The following MFSD6 variants were observed in gnomAD, a reference collection of about 807,000 sequenced individuals.
The protein encoded by MFSD6 is major facilitator superfamily domain containing 6, also known as major facilitator superfamily domain-containing protein 6.
MFSD6 carries 26 observed loss-of-function variants against 56.3 expected under a neutral mutation model. The ratio of observed to expected loss-of-function variants is 0.46; its 90% confidence interval spans 0.34 to 0.64. The LOEUF (loss-of-function observed/expected upper bound fraction) is 0.64. Among genes scored for constraint, MFSD6 ranks in the 30% least tolerant of loss-of-function variants. The pLI, the probability that MFSD6 is intolerant of heterozygous loss-of-function variation, is 0.01. For missense variants in MFSD6, 750 were observed against 986.2 expected (o/e 0.76, Z 3.21); for synonymous variants, 331 against 366.9 (o/e 0.90, Z 1.12).
At position 190,496,905 on chromosome 2, in the gene MFSD6, CAG is replaced by C. The variant is rs887723795; in HGVS notation, c.1892-533_1892-532del. Among the ~76,000 whole-genome samples, 4 of 152,070 alleles carry C rather than the reference CAG, an allele frequency of 2.6e-5. No homozygotes were observed. The highest frequency in any genetic ancestry group is 1.3e-4 in the Admixed American group (2 of 15,266). On this transcript the variant is annotated intron_variant, in intron 6 of 7. Transcript: ENST00000392328. This position sits in a 1 kb window ranked among gnomAD's most constrained non-coding sequence, Gnocchi z 4.7. ...AATGATATGATGGACTTTGGGGACT[CAG>C]GGGAAAGGGTGGGAAAGGGGTGAGG...
intron 3 of MFSD6, among the ~76,000 whole-genome samples, chr2:190,450,488 CT>C (rs10665730): frequency 2.8e-4 from 27 of 97,260 alleles, no homozygotes; most frequent in African/African-American, 7.9e-4. Context: ...TCTCTTTTTC[CT>C]TTTTTTTTTT....
In MFSD6 at chr2:190,457,612, G is replaced by A. The variant is rs1214946576; in HGVS notation, c.1533-12146G>A. Among the ~76,000 whole-genome samples, 1 of 152,196 alleles carries A rather than the reference G, an allele frequency of 6.6e-6. No homozygotes were observed. The highest frequency in any genetic ancestry group is 1.5e-5 in the Non-Finnish European group (1 of 68,042). ...AGGACCCCAAATCTCAGACACTTCT[G>A]CATGTACTGGCTCAGGCAGAATTTG... On this transcript the variant is annotated intron_variant, in intron 3 of 7. Transcript: ENST00000392328. This position sits in a 1 kb window ranked among gnomAD's most constrained non-coding sequence, Gnocchi z 5.1.
chr2:190,430,611 A>G (rs1291000142), intron 2 of MFSD6, among the ~76,000 whole-genome samples: 2 of 152,076 alleles, frequency 1.3e-5, no homozygotes, highest in Admixed American at 6.6e-5. Flanking sequence ...GCTTCTTTCT[A>G]CACAGACACA....
chr2:190,501,374 A>G lies in MFSD6; in HGVS notation c.*1156A>G, dbSNP rs1690015679. On this transcript the variant is annotated 3_prime_UTR_variant, in exon 8 of 8. Coordinates refer to ENST00000392328, the MANE Select transcript of MFSD6 (RefSeq NM_017694.4). ...TGAAGACACAGTCAGACACTGGACA[A>G]TGTAATGTATGCAACTGCAAACGTT... 1 of 152,204 alleles carries G rather than the reference A, an allele frequency of 6.6e-6. No homozygotes were observed. The highest frequency in any genetic ancestry group is 2.4e-5 in the African/African-American group (1 of 41,440). The allele number at this position is 152,204 out of a possible 1,614,324, so 9.4% of individuals were successfully genotyped here.
chr2:190,477,046 G>C (rs951319616), intron 4 of MFSD6: 4 of 119,440 alleles, frequency 3.3e-5, no homozygotes, highest in African/African-American at 1.3e-4. Context: ...ACACACTGGG[G>C]ACTCTTGTGG....
intron 4 of MFSD6, among the ~76,000 whole-genome samples, chr2:190,478,417 G>A (rs1389672462): frequency 6.6e-6 from 1 of 152,072 alleles, no homozygotes; most frequent in African/African-American, 2.4e-5. Flanking sequence ...TTTGACCCAT[G>A]CCCACCCCAT....
rs1553519571 is a variant in MFSD6, at chr2:190,455,000, A to ATGTATATGTATATGTAT, written c.1533-14758_1533-14757insTGTATATGTATATGTAT. Among the ~76,000 whole-genome samples, 759 of 46,596 alleles carry ATGTATATGTATATGTAT rather than the reference A, an allele frequency of 0.016. 12 individuals are homozygous for ATGTATATGTATATGTAT. Among genetic ancestry groups the ATGTATATGTATATGTAT allele is most frequent in the African/African-American group, 0.027 (431 of 16,224 alleles). The allele number at this position is 46,596 out of a possible 152,430, so 30.6% of individuals were successfully genotyped here. On this transcript the variant is annotated intron_variant, in intron 3 of 7. Transcript: ENST00000392328. The surrounding 1 kb of genome is among the most constrained non-coding windows in gnomAD (Gnocchi z 4.6). ...TATGTATATGTATATGTATATGTATAATGTATATGTATATGTATATGTGTG... is the reference window on the plus strand; with the variant it reads ...TATGTATATGTATATGTATATGTATATGTATATGTATATGTATATGTATATGTATATGTATATGTGTG...
Position 190,497,837 on chromosome 2 carries a change from A to C in MFSD6, c.2172+118A>C. On this transcript the variant is annotated intron_variant, in intron 7 of 7. Coordinates refer to ENST00000392328, the MANE Select transcript of MFSD6 (RefSeq NM_017694.4). This position sits in a 1 kb window ranked among gnomAD's most constrained non-coding sequence, Gnocchi z 5.2. Reference sequence around the variant, plus strand: ...ATTTATTGAAAGTCTGGTGGGGGAAATAGACATGCAAACAATTTCAGTACT... The same window carrying C: ...ATTTATTGAAAGTCTGGTGGGGGAACTAGACATGCAAACAATTTCAGTACT... 8.2e-7 allele frequency: 1 copy of C among 1,214,556 alleles called. No individual in the cohort carries two copies. Among genetic ancestry groups the C allele is most frequent in the South Asian group, 1.5e-5 (1 of 66,394 alleles). 75.2% of individuals were successfully genotyped at this position (1,214,556 alleles called of 1,614,324 possible). A position where few individuals can be genotyped will look rare whatever the true frequency, so the allele number is the denominator to read the frequency against.
At chr2:190,441,063 C>T (rs1008873903) in intron 3 of MFSD6, among the ~76,000 whole-genome samples, 5 of 152,098 alleles carry the variant, frequency 3.3e-5, no homozygotes, top group Non-Finnish European at 7.4e-5. Context: ...TGTGAGCTGG[C>T]CACTGAAGGG....
At position 190,500,288 on chromosome 2, in the gene MFSD6, C is replaced by G. The variant is rs1420531092; in HGVS notation, c.*70C>G. On this transcript the variant is annotated 3_prime_UTR_variant, in exon 8 of 8. Transcript: ENST00000392328. This position sits in a 1 kb window ranked among gnomAD's most constrained non-coding sequence, Gnocchi z 5.3. ...AGCCAGGACACAGGGTGAGGCCCCC[C>G]AGCCAGGATATGCCTCCCCTGGAGG... 1.9e-6 allele frequency: 3 copies of G among 1,545,422 alleles called. No homozygotes were observed. Among genetic ancestry groups the G allele is most frequent in the Non-Finnish European group, 1.8e-6 (2 of 1,125,996 alleles).
In MFSD6 at chr2:190,488,800, G is replaced by A. The variant is rs370395034; in HGVS notation, c.1774G>A (p.Val592Met). 52 of 1,572,658 alleles carry A rather than the reference G, an allele frequency of 3.3e-5. No individual in the cohort carries two copies. Among genetic ancestry groups the A allele is most frequent in the Middle Eastern group, 1.7e-4 (1 of 5,904 alleles). Residue 592 changes from valine to methionine, a missense_variant, in exon 5 of 8, where the codon GTG (valine) becomes ATG (methionine). Physicochemically the swap from Val to Met is conservative, Grantham distance 21 (BLOSUM62 1). This residue lies in a region of MFSD6 where 125 missense variants were observed against 223.1 expected (regional missense o/e 0.56). Coordinates refer to ENST00000392328, the MANE Select transcript of MFSD6 (RefSeq NM_017694.4). This position sits in a 1 kb window ranked among gnomAD's most constrained non-coding sequence, Gnocchi z 6.4. ...GRGCGAMIGG[V>M]LVNYFGAAAT... ...AGGATGTGGTGCCATGATCGGAGGC[G>A]TGTTAGTCAATTATTTTGGTAAGAA...
rs372989756 is a variant in MFSD6 at position 190,488,962 on chromosome 2, G to A, written c.1792+144G>A. 1.1e-6 allele frequency: 1 copy of A among 913,016 alleles called. No individual in the cohort carries two copies. The highest frequency in any genetic ancestry group is 1.6e-6 in the Non-Finnish European group (1 of 639,200). The allele number at this position is 913,016 out of a possible 1,614,324, so 56.6% of individuals were successfully genotyped here. On this transcript the variant is annotated intron_variant, in intron 5 of 7. Coordinates refer to ENST00000392328, the MANE Select transcript of MFSD6 (RefSeq NM_017694.4). This position sits in a 1 kb window ranked among gnomAD's most constrained non-coding sequence, Gnocchi z 6.4. Reference sequence around the variant, plus strand: ...TCATAATCTCTTTCTAGATTTCATGGTAGTCATAATTGTAAAGCAGTGTGC... The same window carrying A: ...TCATAATCTCTTTCTAGATTTCATGATAGTCATAATTGTAAAGCAGTGTGC...
rs558934593 is a variant in MFSD6, at chr2:190,467,618, A to G, written c.1533-2140A>G. Among the ~76,000 whole-genome samples, 115 of 152,322 alleles carry G rather than the reference A, an allele frequency of 7.5e-4. No homozygotes were observed. The South Asian group carries it at 8.3e-3, about 11-fold the overall frequency. On this transcript the variant is annotated intron_variant, in intron 3 of 7. Coordinates refer to ENST00000392328, the MANE Select transcript of MFSD6 (RefSeq NM_017694.4). The surrounding 1 kb of genome is among the most constrained non-coding windows in gnomAD (Gnocchi z 5.5). ...ACAGAGCGAGACTCTGTCTCAAAAA[A>G]AGAAAAAGAATTAAGGAGCGAGGCC...
chr2:190,431,282 T>C lies in MFSD6; in HGVS notation c.-53-4695T>C, dbSNP rs901385883. Among the ~76,000 whole-genome samples the C allele has an allele frequency of 4.6e-5, 7 of 151,922 alleles. No homozygotes were observed. The highest frequency in any genetic ancestry group is 7.3e-5 in the African/African-American group (3 of 41,344). ...AGGATGGGCGGCCAGGCAGAGACGCTCCTCACTTCCCAGACGGGGTGGCGG... is the reference window on the plus strand; with the variant it reads ...AGGATGGGCGGCCAGGCAGAGACGCCCCTCACTTCCCAGACGGGGTGGCGG... On this transcript the variant is annotated intron_variant, in intron 2 of 7. Coordinates refer to ENST00000392328, the MANE Select transcript of MFSD6 (RefSeq NM_017694.4). The surrounding 1 kb of genome is among the most constrained non-coding windows in gnomAD (Gnocchi z 4.4).
At position 190,498,275 on chromosome 2, in the gene MFSD6, G is replaced by T. The variant is rs2125274559; in HGVS notation, c.2172+556G>T. 6.6e-6 allele frequency among the ~76,000 whole-genome samples: 1 copy of T among 152,282 alleles called. No homozygotes were observed. The highest frequency in any genetic ancestry group is 1.5e-5 in the Non-Finnish European group (1 of 68,026). ...CATGTTGATAAAAGTGTGGATAATT[G>T]TACAGGTGTATCCCGACTTTGGAAA... is the stretch of plus-strand genomic sequence containing the variant. On this transcript the variant is annotated intron_variant, in intron 7 of 7. Transcript: ENST00000392328. This position sits in a 1 kb window ranked among gnomAD's most constrained non-coding sequence, Gnocchi z 5.9.
rs1264402221 is a variant in MFSD6 at position 190,414,225 on chromosome 2, C to T, written c.-175-1067C>T. Among the ~76,000 whole-genome samples the T allele has an allele frequency of 2.6e-5, 4 of 152,208 alleles. No individual in the cohort carries two copies. The South Asian group carries it at 6.2e-4, about 24-fold the overall frequency. On this transcript the variant is annotated intron_variant, in intron 1 of 7. Coordinates refer to ENST00000392328, the MANE Select transcript of MFSD6 (RefSeq NM_017694.4). ...AGGTGCTGCAAACCACCATGGCACA[C>T]GTTTGCCTATGTAACAAACCCACAT... is the stretch of plus-strand genomic sequence containing the variant.
rs1686279459 is a variant in MFSD6 at position 190,439,079 on chromosome 2, G to A, written c.1532+1518G>A. Among the ~76,000 whole-genome samples the A allele has an allele frequency of 6.6e-6, 1 of 151,960 alleles. No homozygotes were observed. The highest frequency in any genetic ancestry group is 2.1e-4 in the South Asian group (1 of 4,830). ...AGAGCCCACATAATATTAAGGACTC[G>A]GAATGCCCTTTAATTTTGTCCACAC... On this transcript the variant is annotated intron_variant, in intron 3 of 7. Transcript: ENST00000392328. The surrounding 1 kb of genome is among the most constrained non-coding windows in gnomAD (Gnocchi z 5.8).
In MFSD6 at chr2:190,437,693, TTC is replaced by T; in HGVS notation, c.1532+134_1532+135del. 9.2e-7 allele frequency: 1 copy of T among 1,089,002 alleles called. No homozygotes were observed. The highest frequency in any genetic ancestry group is 1.6e-5 in the African/African-American group (1 of 62,958). 67.5% of individuals were successfully genotyped at this position (1,089,002 alleles called of 1,614,324 possible). On this transcript the variant is annotated intron_variant, in intron 3 of 7. Transcript: ENST00000392328. This position sits in a 1 kb window ranked among gnomAD's most constrained non-coding sequence, Gnocchi z 5.9. ...ATAGGGTTGGAGTGGAAATGGGGAT[TTC>T]TGTTTCTTTTCCTCCTTAAAATAGA...
rs1253029204 is a variant in MFSD6 at position 190,465,320 on chromosome 2, C to G, written c.1533-4438C>G. On this transcript the variant is annotated intron_variant, in intron 3 of 7. Coordinates refer to ENST00000392328, the MANE Select transcript of MFSD6 (RefSeq NM_017694.4). The surrounding 1 kb of genome is among the most constrained non-coding windows in gnomAD (Gnocchi z 4.6). Reference sequence around the variant, plus strand: ...TTCTAAAATTGCCTTTGTTTCTTGTCTATTTTTATTACTACTGACTTCCTG... The same window carrying G: ...TTCTAAAATTGCCTTTGTTTCTTGTGTATTTTTATTACTACTGACTTCCTG... Among the ~76,000 whole-genome samples the G allele has an allele frequency of 9.9e-5, 15 of 152,086 alleles. 1 individual carries two copies. The highest frequency in any genetic ancestry group is 9.8e-4 in the Admixed American group (15 of 15,280).
Sources: allele counts gnomAD v4.1 joint callset (sites outside exome capture counted in the v4.1 genomes callset), GRCh38; gene constraint gnomAD v4.1.1; regional missense constraint gnomAD v4.1.1; non-coding constraint Gnocchi (gnomAD v3.1); transcripts MANE v1.5; gene names NCBI Gene and HGNC (gene_info 2026-07-23, HGNC 2026-07-21).